Variants in CELF1 observed in about 807,000 individuals in gnomAD.
CELF1 encodes CUGBP Elav-like family member 1.
In CELF1, 10 loss-of-function variants were observed where a neutral mutation model predicts 61.8. That is an observed-to-expected ratio of 0.16 (90% CI 0.10 to 0.27). CELF1 has a LOEUF of 0.27. CELF1 is among the 10% of genes least tolerant of loss of function. The pLI, the probability that CELF1 is intolerant of heterozygous loss-of-function variation, is 1.00. For synonymous variants in CELF1, 236 were observed against 225.1 expected, an observed-to-expected ratio of 1.05 and a Z score of -0.43; for missense variants, 380 against 639.1, an observed-to-expected ratio of 0.59 and a Z score of 4.37.
intron 1 of CELF1, among the ~76,000 whole-genome samples, chr11:47,520,144 G>A: frequency 6.6e-6 from 1 of 152,120 alleles, no homozygotes. Flanking sequence ...TAATGGTCTT[G>A]TTCAGAAAAT....
In CELF1 at chr11:47,545,864, TGTCTGC is replaced by T. The variant is rs1244331708; in HGVS notation, c.-154+7122_-154+7127del. Among the ~76,000 whole-genome samples the T allele has an allele frequency of 6.9e-3, 478 of 69,250 alleles. 2 individuals carry two copies. Among genetic ancestry groups the T allele is most frequent in the South Asian group, 0.018 (32 of 1,760 alleles). 45.4% of individuals were successfully genotyped at this position (69,250 alleles called of 152,430 possible). A position where few individuals can be genotyped will look rare whatever the true frequency, so the allele number is the denominator to read the frequency against. ...TCATATGTATACGTGTGTGTGTGTG[TGTCTGC>T]GTGTGTGTGTGTGTGTGTGTGTGTG... On this transcript the variant is annotated intron_variant, in intron 1 of 14. Coordinates refer to ENST00000687097, the MANE Select transcript of CELF1 (RefSeq NM_001376376.1).
intron 2 of CELF1, among the ~76,000 whole-genome samples, chr11:47,559,041 TATA>T (rs973062698): frequency 2.7e-4 from 39 of 143,362 alleles, no homozygotes; most frequent in African/African-American, 6.7e-4. Flanking sequence ...ATATGTTACA[TATA>T]ATAATATAAT....
chr11:47,551,777 G>A (rs962433909), intron 1 of CELF1, among the ~76,000 whole-genome samples: 4 of 152,222 alleles, frequency 2.6e-5, no homozygotes, highest in African/African-American at 9.6e-5. Context: ...ACTCTGGGAG[G>A]TCGAGGCGGG....
intron 14 of CELF1, 98 bp downstream of exon 14, chr11:47,472,990 C>T: frequency 7.2e-7 from 1 of 1,385,312 alleles, no homozygotes; most frequent in Non-Finnish European, 9.7e-7. Context: ...GTTAAAACAA[C>T]ACCACAAACT....
chr11:47,525,373 T>C (rs1476066335), intron 1 of CELF1, among the ~76,000 whole-genome samples: 1 of 152,246 alleles, frequency 6.6e-6, no homozygotes, highest in Non-Finnish European at 1.5e-5. Flanking sequence ...GCTTAATTGC[T>C]GACCAGAGTG....
intron 6 of CELF1, among the ~76,000 whole-genome samples, chr11:47,484,839 T>C (rs2085666522): frequency 6.6e-6 from 1 of 152,058 alleles, no homozygotes; most frequent in Non-Finnish European, 1.5e-5. Flanking sequence ...CCAAAATGCC[T>C]GGCTAATTTT....
intron 1 of CELF1, among the ~76,000 whole-genome samples, chr11:47,552,380 G>C (rs113135426): frequency 0.016 from 2,427 of 152,334 alleles, 50 homozygotes; most frequent in African/African-American, 0.048. Flanking sequence ...GCTTTAATGT[G>C]CTCCTCCCGC....
rs769719439 is a variant in CELF1 at position 47,483,439 on chromosome 11, T to C, written c.606+14A>G. On this transcript the variant is annotated intron_variant, in intron 8 of 14. Coordinates refer to ENST00000687097, the MANE Select transcript of CELF1 (RefSeq NM_001376376.1). ...AAGCTGAGGAATTTTCCCCATCACCTATCTGCTCCCTACCTCCATGGTCTG... is the reference window on the plus strand; with the variant it reads ...AAGCTGAGGAATTTTCCCCATCACCCATCTGCTCCCTACCTCCATGGTCTG... 20 of 1,609,812 alleles carry C rather than the reference T, an allele frequency of 1.2e-5. No homozygotes were observed. In the African/African-American group the frequency reaches 1.7e-4, roughly 14 times the overall value.
intron 1 of CELF1, among the ~76,000 whole-genome samples, chr11:47,501,768 A>G (rs2093937799): frequency 6.6e-6 from 1 of 152,170 alleles, no homozygotes; most frequent in South Asian, 2.1e-4. Context: ...GGCTGTGGTG[A>G]GCTGAGATCA....
chr11:47,522,828 G>GAAA (rs1349865658), intron 1 of CELF1, among the ~76,000 whole-genome samples: 1 of 60,182 alleles, frequency 1.7e-5, no homozygotes, highest in Non-Finnish European at 3.4e-5. Flanking sequence ...TCCATCTCCA[G>GAAA]AAAAAAAAAA....
In CELF1 at chr11:47,540,776, T is replaced by C. The variant is rs1353683583; in HGVS notation, c.-154+12216A>G. 3.3e-5 allele frequency among the ~76,000 whole-genome samples: 5 copies of C among 151,926 alleles called. 1 individual carries two copies. In the East Asian group the frequency reaches 9.7e-4, roughly 29 times the overall value. The stretch of plus-strand genomic sequence containing the variant: ...GTGGGCACCTGTAATCACAGCTACT[T>C]GGGAGGCTGAGGCAGGGAGAATGGC... On this transcript the variant is annotated intron_variant, in intron 1 of 14. Coordinates refer to ENST00000687097, the MANE Select transcript of CELF1 (RefSeq NM_001376376.1).
At chr11:47,533,894 A>G (rs1406259036) in intron 1 of CELF1, among the ~76,000 whole-genome samples, 3 of 150,530 alleles carry the variant, frequency 2.0e-5, no homozygotes, top group Non-Finnish European at 4.4e-5. Flanking sequence ...TTCAACTCTT[A>G]GTTTTTCCCC....
intron 2 of CELF1, among the ~76,000 whole-genome samples, chr11:47,561,397 C>T (rs772786003): frequency 2.7e-4 from 38 of 141,352 alleles, no homozygotes; most frequent in Admixed American, 9.2e-4. Flanking sequence ...GAGCCGAGAT[C>T]GCACCACTGC....
intron 1 of CELF1, among the ~76,000 whole-genome samples, chr11:47,527,614 A>G (rs2096292903): frequency 6.6e-6 from 1 of 152,178 alleles, no homozygotes. Flanking sequence ...TTCATTGTAT[A>G]TACTGACTTC....
chr11:47,541,221 C>T (rs1394757480), intron 1 of CELF1, among the ~76,000 whole-genome samples: 2 of 152,172 alleles, frequency 1.3e-5, no homozygotes, highest in Non-Finnish European at 2.9e-5. Context: ...AGACAATCTA[C>T]TCACAGTAGA....
upstream of CELF1, among the ~76,000 whole-genome samples, chr11:47,554,684 G>A (rs916542962): frequency 1.1e-4 from 16 of 145,168 alleles, no homozygotes; most frequent in Non-Finnish European, 1.7e-4. Context: ...TTTTTGAGAC[G>A]GAGTCTAGCT....
At chr11:47,534,889 G>A (rs931574920) in intron 1 of CELF1, among the ~76,000 whole-genome samples, 13 of 152,074 alleles carry the variant, frequency 8.5e-5, no homozygotes, top group African/African-American at 3.1e-4. Context: ...CAGTTCCCTG[G>A]AGACCCATTC....
chr11:47,564,169 T>TAAAAAAAA (rs2097236176), intron 2 of CELF1, among the ~76,000 whole-genome samples: 1 of 26,426 alleles, frequency 3.8e-5, no homozygotes, highest in Non-Finnish European at 7.6e-5. Context: ...CTACTAAAAA[T>TAAAAAAAA]ACAAAAAAAA....
intron 3 of CELF1, among the ~76,000 whole-genome samples, chr11:47,492,809 G>A (rs1044314663): frequency 6.6e-6 from 1 of 152,170 alleles, no homozygotes; most frequent in Non-Finnish European, 1.5e-5. Context: ...ATTACCAGTT[G>A]TAATAGCATT....
Sources: gnomAD v4.1 joint callset for allele counts (sites outside exome capture counted in the v4.1 genomes callset) on GRCh38, gnomAD v4.1.1 for gene constraint, MANE v1.5 for transcripts, NCBI Gene and HGNC (gene_info 2026-07-23, HGNC 2026-07-21) for gene names.